The following TBC1D1 variants were observed in gnomAD, a reference collection of about 807,000 sequenced individuals.
TBC1D1 encodes TBC1 (tre-2/USP6, BUB2, cdc16) domain family, member 1.
TBC1D1 carries 89 observed loss-of-function variants against 125.6 expected under a neutral mutation model. That is an observed-to-expected ratio of 0.71 (90% CI 0.60 to 0.85). The LOEUF (loss-of-function observed/expected upper bound fraction) is 0.85, where lower values mean the gene tolerates loss of function less well. Ranked by LOEUF, TBC1D1 falls within the 40% of genes least tolerant of loss-of-function variation. TBC1D1 has a pLI of 0.00. For missense variants in TBC1D1, 1,377 were observed against 1,469.2 expected, an observed-to-expected ratio of 0.94 and a Z score of 1.03; for synonymous variants, 565 against 564.1, an observed-to-expected ratio of 1.00 and a Z score of -0.02.
chr4:38,122,508 C>T (rs1194440156), intron 17 of TBC1D1, among the ~76,000 whole-genome samples: 2 of 152,190 alleles, frequency 1.3e-5, no homozygotes, highest in Non-Finnish European at 2.9e-5. Context: ...AGTATTAATC[C>T]TGAGGTCTGA....
intron 2 of TBC1D1, among the ~76,000 whole-genome samples, chr4:37,950,759 C>CTTT (rs35602268): frequency 1.5e-5 from 2 of 137,842 alleles, no homozygotes; most frequent in African/African-American, 5.3e-5. Context: ...CATGTAGTCA[C>CTTT]TTTTTTTTTT....
intron 17 of TBC1D1, among the ~76,000 whole-genome samples, chr4:38,122,996 A>G (rs907838179): frequency 1.2e-4 from 19 of 152,188 alleles, no homozygotes; most frequent in African/African-American, 4.1e-4. Context: ...TTGTAAAAAA[A>G]CCAAGATCCT....
intron 12 of TBC1D1, among the ~76,000 whole-genome samples, chr4:38,059,151 A>G (rs1194447326): frequency 6.6e-6 from 1 of 152,256 alleles, no homozygotes; most frequent in Non-Finnish European, 1.5e-5. Flanking sequence ...ATTTATATTT[A>G]GAAATTTGCT....
chr4:37,918,873 A>T (rs1333974869), intron 2 of TBC1D1, among the ~76,000 whole-genome samples: 1 of 152,218 alleles, frequency 6.6e-6, no homozygotes, highest in Non-Finnish European at 1.5e-5. Flanking sequence ...ACACATACTA[A>T]TTTTAATTTC....
At chr4:37,941,201 G>T (rs1390022885) in intron 2 of TBC1D1, among the ~76,000 whole-genome samples, 1 of 152,028 alleles carries the variant, frequency 6.6e-6, no homozygotes, top group East Asian at 1.9e-4. Context: ...CAATTTCAGA[G>T]CCTGTTATTG....
chr4:37,954,681 G>T (rs1415679442), intron 2 of TBC1D1, among the ~76,000 whole-genome samples: 1 of 152,116 alleles, frequency 6.6e-6, no homozygotes, highest in Non-Finnish European at 1.5e-5. Flanking sequence ...TAGTGGCTGC[G>T]ATGGAGGAAG....
chr4:37,976,898 A>G (rs1733199181), intron 2 of TBC1D1, among the ~76,000 whole-genome samples: 1 of 152,198 alleles, frequency 6.6e-6, no homozygotes, highest in African/African-American at 2.4e-5. Flanking sequence ...CTTTGATTAT[A>G]TAAAGGTATT....
Position 38,039,630 on chromosome 4 carries a change from G to A in TBC1D1, c.1413+3932G>A, listed in dbSNP as rs146244321. ...TCTGAGCTGCTTGATTATGAATAAG[G>A]CTGCTGGTAGATACATTGTGCCAGC... On this transcript the variant is annotated intron_variant, in intron 8 of 19. Transcript: ENST00000261439. Among the ~76,000 whole-genome samples, 634 of 152,248 alleles carry A rather than the reference G, an allele frequency of 4.2e-3. 2 individuals carry two copies. Among genetic ancestry groups the A allele is most frequent in the Non-Finnish European group, 6.1e-3 (417 of 68,002 alleles).
intron 12 of TBC1D1, among the ~76,000 whole-genome samples, chr4:38,071,492 C>G (rs80242896): frequency 0.029 from 4,455 of 152,296 alleles, 101 homozygotes; most frequent in Middle Eastern, 0.044. Context: ...TCATCCTATA[C>G]AATTAAAACC....
chr4:38,128,187 C>A (rs890483241), intron 18 of TBC1D1, among the ~76,000 whole-genome samples: 5 of 152,118 alleles, frequency 3.3e-5, no homozygotes, highest in African/African-American at 1.2e-4. Context: ...ATCGGGAGCA[C>A]AAAAATTTGC....
chr4:37,892,230 G>A (rs1713490438), intron 1 of TBC1D1, among the ~76,000 whole-genome samples: 1 of 152,114 alleles, frequency 6.6e-6, no homozygotes, highest in Non-Finnish European at 1.5e-5. Context: ...AAGAAACTCA[G>A]CTATCTGTAC....
Position 38,012,337 on chromosome 4 carries a change from G to A in TBC1D1, c.418-2172G>A, listed in dbSNP as rs1405401723. 2.6e-5 allele frequency among the ~76,000 whole-genome samples: 4 copies of A among 152,272 alleles called. No homozygotes were observed. In the East Asian group the frequency reaches 7.7e-4, roughly 29 times the overall value. Reference sequence around the variant, plus strand: ...TCTCAGTCACCCAGGCTGGAGTGCAGTGGTACTGTCTTGGCTTACTGCAGC... The same window carrying A: ...TCTCAGTCACCCAGGCTGGAGTGCAATGGTACTGTCTTGGCTTACTGCAGC... On this transcript the variant is annotated intron_variant, in intron 2 of 19. Transcript: ENST00000261439.
chr4:37,907,308 G>A (rs1717551120), intron 2 of TBC1D1, among the ~76,000 whole-genome samples: 1 of 152,192 alleles, frequency 6.6e-6, no homozygotes, highest in South Asian at 2.1e-4. Flanking sequence ...TAGAAGGTTA[G>A]CTGTAATATG....
intron 2 of TBC1D1, among the ~76,000 whole-genome samples, chr4:37,971,094 G>A (rs1731920011): frequency 6.6e-6 from 1 of 152,142 alleles, no homozygotes; most frequent in African/African-American, 2.4e-5. Flanking sequence ...ATATGGTCAG[G>A]CTTAGTAGGG....
intron 15 of TBC1D1, among the ~76,000 whole-genome samples, chr4:38,104,402 G>C (rs1347901358): frequency 6.6e-6 from 1 of 152,182 alleles, no homozygotes; most frequent in Non-Finnish European, 1.5e-5. Context: ...TGACTTGTCA[G>C]TGGCCATGCA....
intron 2 of TBC1D1, chr4:38,006,918 C>G: frequency 6.5e-6 from 3 of 461,182 alleles, no homozygotes; most frequent in South Asian, 3.3e-5. Context: ...CAGAGTGTTC[C>G]CATGAGTGTG....
At chr4:37,996,145 C>T (rs1333598549) in intron 2 of TBC1D1, 5 of 451,412 alleles carry the variant, frequency 1.1e-5, no homozygotes, top group Non-Finnish European at 2.2e-5. Flanking sequence ...AAGCTCTTGC[C>T]TGAAGACATG....
At chr4:37,950,356 T>C (rs936783857) in intron 2 of TBC1D1, among the ~76,000 whole-genome samples, 2 of 152,012 alleles carry the variant, frequency 1.3e-5, no homozygotes, top group South Asian at 2.1e-4. Flanking sequence ...TGCCTGATAA[T>C]AGAGGATTTC....
rs150684472 is a variant in TBC1D1 at position 37,909,899 on chromosome 4, T to C, written c.417+7387T>C. 2.8e-3 allele frequency among the ~76,000 whole-genome samples: 419 copies of C among 152,338 alleles called. 2 individuals are homozygous for C. The highest frequency in any genetic ancestry group is 9.5e-3 in the African/African-American group (396 of 41,582). On this transcript the variant is annotated intron_variant, in intron 2 of 19. Coordinates refer to ENST00000261439, the MANE Select transcript of TBC1D1 (RefSeq NM_015173.4). ...ATCAGCACTTGACTGTCTGTCACAC[T>C]AGACAGAAGTTGGTTGCTGGGTGCA...
Sources: allele counts gnomAD v4.1 joint callset (sites outside exome capture counted in the v4.1 genomes callset), GRCh38; gene constraint gnomAD v4.1.1; transcripts MANE v1.5; gene names NCBI Gene and HGNC (gene_info 2026-07-23, HGNC 2026-07-21).